Variants in TYW1 observed in about 807,000 individuals in gnomAD.
TYW1 encodes the protein S-adenosyl-L-methionine-dependent tRNA 4-demethylwyosine synthase TYW1.
Under a neutral mutation model 96.2 loss-of-function variants are expected in TYW1, and 46 were observed. The observed-to-expected ratio is 0.48, with a 90% CI of 0.38 to 0.61. TYW1 has a LOEUF of 0.61. Ranked by LOEUF, TYW1 falls within the 20% of genes least tolerant of loss-of-function variation. TYW1 has a pLI of 0.00. For synonymous variants in TYW1, 274 were observed against 323.0 expected, an observed-to-expected ratio of 0.85 and a Z score of 1.63; for missense variants, 684 against 909.6, an observed-to-expected ratio of 0.75 and a Z score of 3.19.
chr7:67,234,967 A>G (rs1254933248), intron 15 of TYW1, among the ~76,000 whole-genome samples: 1 of 152,122 alleles, frequency 6.6e-6, no homozygotes, highest in Non-Finnish European at 1.5e-5. Context: ...AAAAAAAAAA[A>G]AAATTTAAGT....
chr7:67,109,438 C>T (rs59247139), intron 12 of TYW1, among the ~76,000 whole-genome samples: 36,953 of 150,750 alleles, frequency 0.25, 4,730 homozygotes, highest in African/African-American at 0.33. Context: ...TGATCACAAG[C>T]GACTGTTTTT....
At chr7:67,104,465 A>G (rs560098264) in intron 12 of TYW1, among the ~76,000 whole-genome samples, 4 of 152,208 alleles carry the variant, frequency 2.6e-5, no homozygotes, top group Non-Finnish European at 4.4e-5. Context: ...TATCACGAGA[A>G]CAGCAAGGGG....
chr7:67,036,923 G>A (rs1794858350), intron 7 of TYW1, among the ~76,000 whole-genome samples: 1 of 152,186 alleles, frequency 6.6e-6, no homozygotes, highest in African/African-American at 2.4e-5. Context: ...TGCTGGGCAG[G>A]GACTGGAGGG....
intron 14 of TYW1, among the ~76,000 whole-genome samples, chr7:67,192,503 GT>G (rs1800252309): frequency 6.6e-6 from 1 of 152,222 alleles, no homozygotes. Context: ...ATACATGGTT[GT>G]TTGTGTAATC....
intron 13 of TYW1, among the ~76,000 whole-genome samples, chr7:67,129,085 T>G (rs971671193): frequency 5.3e-5 from 8 of 152,072 alleles, no homozygotes; most frequent in African/African-American, 1.9e-4. Context: ...TTGGCTAGAG[T>G]GTGCTGCAGT....
chr7:67,165,110 C>T (rs1438315821), intron 13 of TYW1, among the ~76,000 whole-genome samples: 2 of 151,892 alleles, frequency 1.3e-5, no homozygotes, highest in Non-Finnish European at 2.9e-5. Flanking sequence ...AAACTCTAGG[C>T]AGCACTGAAT....
At chr7:67,190,357 T>A (rs1800169197) in intron 14 of TYW1, among the ~76,000 whole-genome samples, 1 of 152,218 alleles carries the variant, frequency 6.6e-6, no homozygotes, top group African/African-American at 2.4e-5. Context: ...ATGTCTGACT[T>A]GATTTTTTGT....
At chr7:67,028,271 G>A (rs1038820095) in intron 7 of TYW1, among the ~76,000 whole-genome samples, 19 of 150,712 alleles carry the variant, frequency 1.3e-4, no homozygotes, top group African/African-American at 4.6e-4. Context: ...GACCTGTCCA[G>A]GTGCCGTGGC....
At chr7:67,130,917 C>G (rs1395654635) in intron 13 of TYW1, among the ~76,000 whole-genome samples, 2 of 152,096 alleles carry the variant, frequency 1.3e-5, no homozygotes, top group Non-Finnish European at 2.9e-5. Context: ...ATTGTCCTTG[C>G]TCTGAATTGA....
chr7:67,161,701 CATTAGATAA>C (rs1177594413), intron 13 of TYW1, among the ~76,000 whole-genome samples: 1 of 152,110 alleles, frequency 6.6e-6, no homozygotes, highest in East Asian at 1.9e-4. Context: ...AAATAATGCA[CATTAGATAA>C]AGAAGGATTT....
intron 9 of TYW1, among the ~76,000 whole-genome samples, chr7:67,059,236 A>G (rs1046331958): frequency 1.3e-5 from 2 of 150,910 alleles, no homozygotes; most frequent in Non-Finnish European, 2.9e-5. Context: ...AGTAGCTGGG[A>G]CTGCAGGCGC....
intron 6 of TYW1, among the ~76,000 whole-genome samples, chr7:67,023,490 G>A (rs1794347422): frequency 6.6e-6 from 1 of 152,050 alleles, no homozygotes; most frequent in Admixed American, 6.6e-5. Flanking sequence ...TTTATCAGCT[G>A]GGCACGGTGG....
intron 13 of TYW1, among the ~76,000 whole-genome samples, chr7:67,136,679 GTGTGTGTA>G (rs779633266): frequency 3.0e-3 from 328 of 109,784 alleles, no homozygotes; most frequent in African/African-American, 0.01. Flanking sequence ...GTGTGTGTGT[GTGTGTGTA>G]TATATATATA....
chr7:67,025,572 G>C (rs1271907773), intron 7 of TYW1, among the ~76,000 whole-genome samples: 1 of 152,096 alleles, frequency 6.6e-6, no homozygotes, highest in Non-Finnish European at 1.5e-5. Flanking sequence ...CTTCTCTGCT[G>C]TATAGACTAA....
chr7:67,237,342 T>C (rs1370982833), intron 15 of TYW1, among the ~76,000 whole-genome samples: 4 of 148,576 alleles, frequency 2.7e-5, no homozygotes, highest in Admixed American at 6.6e-5. Flanking sequence ...CTACTAAAAA[T>C]ACAAAAAATT....
intron 15 of TYW1, among the ~76,000 whole-genome samples, chr7:67,217,784 G>A (rs1801246941): frequency 7.1e-6 from 1 of 141,168 alleles, no homozygotes; most frequent in Non-Finnish European, 1.5e-5. Context: ...TACAAAAAAT[G>A]TTTTTGTTAT....
chr7:67,097,858 ATT>A (rs35746199), intron 11 of TYW1, among the ~76,000 whole-genome samples: 31 of 140,610 alleles, frequency 2.2e-4, no homozygotes, highest in African/African-American at 3.9e-4. Flanking sequence ...ATGCCCAGCT[ATT>A]TTTTTTTTTT....
At chr7:67,108,051 A>G (rs1452119409) in intron 12 of TYW1, among the ~76,000 whole-genome samples, 2 of 150,068 alleles carry the variant, frequency 1.3e-5, no homozygotes, top group Non-Finnish European at 3.0e-5. Context: ...TAATTTTTGT[A>G]TTTATAGTAG....
intron 13 of TYW1, among the ~76,000 whole-genome samples, chr7:67,128,633 G>A (rs1797974157): frequency 6.6e-6 from 1 of 151,566 alleles, no homozygotes; most frequent in African/African-American, 2.4e-5. Context: ...TTAATAATGT[G>A]ATGGTATGGT....
Sources: gnomAD v4.1 joint callset for allele counts (sites outside exome capture counted in the v4.1 genomes callset) on GRCh38, gnomAD v4.1.1 for gene constraint, MANE v1.5 for transcripts, NCBI Gene and HGNC (gene_info 2026-07-23, HGNC 2026-07-21) for gene names.